FMNL2: variants seen among roughly 807,000 people sequenced by gnomAD.
FMNL2 encodes formin-like protein 2.
A neutral mutation model predicts 130.2 loss-of-function variants in FMNL2; 51 were observed. The ratio of observed to expected loss-of-function variants is 0.39; its 90% CI spans 0.31 to 0.49. The LOEUF (loss-of-function observed/expected upper bound fraction) is 0.49, where lower values mean the gene tolerates loss of function less well. Among genes scored for constraint, FMNL2 ranks in the 20% least tolerant of loss-of-function variants. The pLI is 0.85. For synonymous variants in FMNL2, 465 were observed against 467.1 expected, an observed-to-expected ratio of 1.00 and a Z score of 0.06; for missense variants, 977 against 1,316.2, an observed-to-expected ratio of 0.74 and a Z score of 3.99.
At chr2:152,538,635 A>G (rs1694138843) in intron 2 of FMNL2, among the ~76,000 whole-genome samples, 1 of 152,188 alleles carries the variant, frequency 6.6e-6, no homozygotes, top group Non-Finnish European at 1.5e-5. Flanking sequence ...GGAACCATGA[A>G]AGAAGGAGAG....
rs1021051644 is a variant in FMNL2 at position 152,548,575 on chromosome 2, G to A, written c.283-446G>A. Among the ~76,000 whole-genome samples the A allele has an allele frequency of 5.3e-5, 8 of 152,280 alleles. No homozygotes were observed. In the South Asian group the frequency reaches 1.4e-3, roughly 28 times the overall value. On this transcript the variant is annotated intron_variant, in intron 3 of 25. Transcript: ENST00000288670. Reference sequence around the variant, plus strand: ...TCGGGGAGAGGACTCCTGGAAGATTGCACCTGGTTTCCTGCACGTTTTATC... The same window carrying A: ...TCGGGGAGAGGACTCCTGGAAGATTACACCTGGTTTCCTGCACGTTTTATC...
rs763374188 is a variant in FMNL2, at chr2:152,619,088, G to A, written c.1557G>A (p.Gly519=). 5 of 1,612,404 alleles carry A rather than the reference G, an allele frequency of 3.1e-6. No homozygotes were observed. The South Asian group carries it at 5.5e-5, about 18-fold the overall frequency. Reference sequence around the variant, plus strand: ...GTAACTCTGTGGGACCCACAATGGGGGCCGCTTCCTCAGGACCCTTGCCCC... The same window carrying A: ...GTAACTCTGTGGGACCCACAATGGGAGCCGCTTCCTCAGGACCCTTGCCCC... ...VAGNSVGPTM[G]AASSGPLPPP... Residue 519 remains glycine, a synonymous_variant, in exon 14 of 26, where the codon GGG becomes GGA. Transcript: ENST00000288670.
intron 1 of FMNL2, among the ~76,000 whole-genome samples, chr2:152,433,950 A>T (rs1313348650): frequency 2.0e-5 from 3 of 152,176 alleles, no homozygotes; most frequent in Non-Finnish European, 4.4e-5. Context: ...AGGCCAAACA[A>T]CGAATTATTA....
chr2:152,335,810 C>T (rs2003332), intron 1 of FMNL2, 90 bp downstream of exon 1: 529,676 of 937,136 alleles, frequency 0.57, 157,337 homozygotes, highest in Non-Finnish European at 0.62. Flanking sequence ...CACCCCGTGC[C>T]GGGAGCGAGC....
intron 18 of FMNL2, 26 bp downstream of exon 18, chr2:152,628,559 A>C: frequency 6.3e-7 from 1 of 1,584,098 alleles, no homozygotes; most frequent in Non-Finnish European, 8.7e-7. Context: ...CTGGCAGGGG[A>C]GGGGGTCCAA....
At chr2:152,542,616 G>A in intron 2 of FMNL2, 123 bp from the exon 3 acceptor site, 1 of 873,042 alleles carries the variant, frequency 1.1e-6, no homozygotes, top group Non-Finnish European at 1.9e-6. Context: ...CAAAATGACT[G>A]CTCGCAGGGC....
Position 152,351,533 on chromosome 2 carries a change from A to T in FMNL2, c.117+15813A>T, listed in dbSNP as rs185278286. 2.6e-5 allele frequency among the ~76,000 whole-genome samples: 4 copies of T among 152,256 alleles called. No individual in the cohort carries two copies. In the East Asian group the frequency reaches 7.7e-4, roughly 29 times the overall value. ...ATGTCCCTGCAAAGGCCATGAACTCATCCTTTTTTATGGCTGCATAGTATT... is the reference window on the plus strand; with the variant it reads ...ATGTCCCTGCAAAGGCCATGAACTCTTCCTTTTTTATGGCTGCATAGTATT... On this transcript the variant is annotated intron_variant, in intron 1 of 25. Coordinates refer to ENST00000288670, the MANE Select transcript of FMNL2 (RefSeq NM_052905.4).
chr2:152,492,781 C>T (rs904257337), intron 1 of FMNL2, among the ~76,000 whole-genome samples: 7 of 152,204 alleles, frequency 4.6e-5, no homozygotes, highest in African/African-American at 1.7e-4. Context: ...TATCGTTCCT[C>T]TACTTTGCTT....
intron 1 of FMNL2, among the ~76,000 whole-genome samples, chr2:152,378,000 T>A (rs1684265113): frequency 6.6e-6 from 1 of 151,038 alleles, no homozygotes; most frequent in South Asian, 2.1e-4. Flanking sequence ...TAGTCCCAGC[T>A]ACTAGGGAGG....
At chr2:152,344,200 C>T (rs139423688) in intron 1 of FMNL2, among the ~76,000 whole-genome samples, 21 of 152,282 alleles carry the variant, frequency 1.4e-4, no homozygotes, top group African/African-American at 4.6e-4. Flanking sequence ...CTGGGTTCCA[C>T]TCCCAGAAAT....
At chr2:152,563,325 G>A (rs958049992) in intron 6 of FMNL2, among the ~76,000 whole-genome samples, 1 of 152,164 alleles carries the variant, frequency 6.6e-6, no homozygotes, top group Non-Finnish European at 1.5e-5. Context: ...TCAAGCTCAA[G>A]AACAGAACAT....
intron 6 of FMNL2, among the ~76,000 whole-genome samples, chr2:152,566,640 T>A (rs1177317468): frequency 1.3e-5 from 2 of 152,202 alleles, no homozygotes; most frequent in African/African-American, 4.8e-5. Flanking sequence ...GGGTTAAGGA[T>A]ACAGAAAGAT....
At chr2:152,484,606 TA>T (rs564095690) in intron 1 of FMNL2, among the ~76,000 whole-genome samples, 249 of 151,982 alleles carry the variant, frequency 1.6e-3, no homozygotes, top group Non-Finnish European at 3.1e-3. Context: ...CTCATCTCTA[TA>T]AAAAACTTAA....
chr2:152,421,274 A>G (rs1686903506), intron 1 of FMNL2, among the ~76,000 whole-genome samples: 1 of 152,176 alleles, frequency 6.6e-6, no homozygotes, highest in Non-Finnish European at 1.5e-5. Context: ...TTTTATCCCA[A>G]AGCCGGTAAT....
chr2:152,461,606 C>A (rs1467487904), intron 1 of FMNL2, among the ~76,000 whole-genome samples: 12 of 152,122 alleles, frequency 7.9e-5, no homozygotes, highest in Admixed American at 7.9e-4. Flanking sequence ...AAATTCAATT[C>A]TTTCTTCACC....
chr2:152,440,709 T>C (rs1386606402), intron 1 of FMNL2, among the ~76,000 whole-genome samples: 1 of 152,204 alleles, frequency 6.6e-6, no homozygotes, highest in African/African-American at 2.4e-5. Context: ...TTCTTATTAG[T>C]GCCGGAAGTC....
rs576420149 is a variant in FMNL2 at position 152,466,010 on chromosome 2, G to A, written c.118-55933G>A. ...AAGCAACTTAATGTTGTGGGAAGAA[G>A]CACTGGACTAGGATTTGGGAAATTT... On this transcript the variant is annotated intron_variant, in intron 1 of 25. Transcript: ENST00000288670. Among the ~76,000 whole-genome samples the A allele has an allele frequency of 3.3e-5, 5 of 152,340 alleles. No individual in the cohort carries two copies. The East Asian group carries it at 7.7e-4, about 24-fold the overall frequency.
intron 2 of FMNL2, among the ~76,000 whole-genome samples, chr2:152,528,236 G>A (rs1693498469): frequency 6.6e-6 from 1 of 152,044 alleles, no homozygotes; most frequent in Non-Finnish European, 1.5e-5. Context: ...AAGGTTTTTT[G>A]TAGTTTTCTG....
At chr2:152,593,073 T>C (rs1185511390) in intron 9 of FMNL2, among the ~76,000 whole-genome samples, 2 of 152,084 alleles carry the variant, frequency 1.3e-5, no homozygotes, top group Non-Finnish European at 2.9e-5. Flanking sequence ...AGCAGAGAGA[T>C]TGGCATGAAA....
Sources: gnomAD v4.1 joint callset for allele counts (sites outside exome capture counted in the v4.1 genomes callset) on GRCh38, gnomAD v4.1.1 for gene constraint, MANE v1.5 for transcripts, NCBI Gene and HGNC (gene_info 2026-07-23, HGNC 2026-07-21) for gene names.